ANK2: variants seen among roughly 807,000 people sequenced by gnomAD.
ANK2 encodes ankyrin 2.
In ANK2, 83 loss-of-function variants were observed where a neutral mutation model predicts 360.5. The ratio of observed to expected loss-of-function variants is 0.23; its 90% CI spans 0.19 to 0.28. The LOEUF is 0.28. Among genes scored for constraint, ANK2 ranks in the 10% least tolerant of loss-of-function variants. ANK2 has a pLI of 1.00. For synonymous variants in ANK2, 1,740 were observed against 1,759.5 expected (o/e 0.99, Z 0.28); for missense variants, 4,201 against 4,795.7 (o/e 0.88, Z 3.66).
At chr4:113,142,811 G>A (rs2096682809) in intron 1 of ANK2, among the ~76,000 whole-genome samples, 1 of 152,016 alleles carries the variant, frequency 6.6e-6, no homozygotes, top group African/African-American at 2.4e-5. Context: ...ATGTTACTTG[G>A]TTGGTTCATA....
intron 4 of ANK2, among the ~76,000 whole-genome samples, chr4:113,205,436 TCTTA>T (rs1433355693): frequency 2.6e-5 from 4 of 152,138 alleles, no homozygotes; most frequent in Non-Finnish European, 5.9e-5. Context: ...AATAAGATGT[TCTTA>T]CTTGGCATTT....
At chr4:113,221,712 G>A (rs2099154366) in intron 4 of ANK2, among the ~76,000 whole-genome samples, 1 of 151,844 alleles carries the variant, frequency 6.6e-6, no homozygotes, top group African/African-American at 2.4e-5. Flanking sequence ...AAATGACAAT[G>A]TAGATAAGTA....
chr4:112,977,546 A>T (rs2041834381), intron 2 of ANK2, among the ~76,000 whole-genome samples: 4 of 151,908 alleles, frequency 2.6e-5, no homozygotes, highest in Admixed American at 2.6e-4. Context: ...ATAAATTAAA[A>T]AAAATTTTAT....
At chr4:112,881,243 GC>G (rs1164290576) in intron 1 of ANK2, among the ~76,000 whole-genome samples, 2 of 152,158 alleles carry the variant, frequency 1.3e-5, no homozygotes. Flanking sequence ...TTGGAGACCA[GC>G]CTGGGCAACA....
intron 2 of ANK2, among the ~76,000 whole-genome samples, chr4:113,023,690 T>G (rs558233861): frequency 2.1e-4 from 32 of 152,334 alleles, no homozygotes; most frequent in African/African-American, 7.5e-4. Context: ...TTTTCTGTCT[T>G]CATGTTCATG....
the ANK2 span, among the ~76,000 whole-genome samples, chr4:112,720,131 G>A: frequency 4.1e-4 from 63 of 152,094 alleles, 1 homozygote; most frequent in Admixed American, 4.1e-3. Flanking sequence ...GTCAACCAGG[G>A]TTCTACTTTC....
intron 2 of ANK2, among the ~76,000 whole-genome samples, chr4:112,978,373 G>A (rs2042092443): frequency 6.6e-6 from 1 of 152,030 alleles, no homozygotes; most frequent in Admixed American, 6.5e-5. Context: ...CTTCCTATAA[G>A]TGTACAGTGG....
At chr4:112,957,020 T>TTTTTG (rs2095367008) in intron 2 of ANK2, among the ~76,000 whole-genome samples, 1 of 146,140 alleles carries the variant, frequency 6.8e-6, no homozygotes, top group African/African-American at 2.5e-5. Context: ...TTTTTTTTTT[T>TTTTTG]TTTTTTTTTT....
chr4:113,087,199 C>G (rs1302393499), intron 1 of ANK2, among the ~76,000 whole-genome samples: 1 of 151,966 alleles, frequency 6.6e-6, no homozygotes, highest in Non-Finnish European at 1.5e-5. Flanking sequence ...TACAAGGTTT[C>G]CAGGAAAAGA....
At chr4:113,207,037 C>A (rs565285342) in intron 4 of ANK2, among the ~76,000 whole-genome samples, 5 of 152,056 alleles carry the variant, frequency 3.3e-5, no homozygotes, top group Admixed American at 6.5e-5. Context: ...AAAAAATTGC[C>A]AAGAAAGACA....
intron 2 of ANK2, among the ~76,000 whole-genome samples, chr4:112,973,006 T>G (rs1466039194): frequency 6.6e-6 from 1 of 152,178 alleles, no homozygotes; most frequent in South Asian, 2.1e-4. Context: ...TAATGGGCTT[T>G]AGGGGCTTGA....
Position 113,132,475 on chromosome 4 carries a change from T to TA in ANK2, c.85-41941_85-41940insA, listed in dbSNP as rs796438873. On this transcript the variant is annotated intron_variant, in intron 1 of 45. Transcript: ENST00000357077. Reference sequence around the variant, plus strand: ...ATAAGTATGTGAAATTGATAGGAAATTTTTTAGATTAAAAAGTACTGAAAT... The same window carrying TA: ...ATAAGTATGTGAAATTGATAGGAAATATTTTTAGATTAAAAAGTACTGAAAT... Among the ~76,000 whole-genome samples the TA allele has an allele frequency of 8.5e-5, 13 of 152,230 alleles. No homozygotes were observed. The South Asian group carries it at 2.7e-3, about 32-fold the overall frequency.
chr4:112,806,973 G>A, the ANK2 span, among the ~76,000 whole-genome samples: 1 of 152,168 alleles, frequency 6.6e-6, no homozygotes, highest in African/African-American at 2.4e-5. Context: ...AGTGTGCTGG[G>A]AACACAAAAT....
chr4:113,366,929 T>A (rs1197352100), intron 41 of ANK2, among the ~76,000 whole-genome samples: 1 of 152,192 alleles, frequency 6.6e-6, no homozygotes, highest in East Asian at 1.9e-4. Flanking sequence ...AATATATATC[T>A]GTTGAATAAA....
intron 1 of ANK2, among the ~76,000 whole-genome samples, chr4:113,096,886 C>T (rs961133474): frequency 6.6e-6 from 1 of 151,822 alleles, no homozygotes; most frequent in Non-Finnish European, 1.5e-5. Context: ...CACAATTTGT[C>T]TAAGTCTGGG....
At chr4:112,961,328 A>AT (rs796842977) in intron 2 of ANK2, among the ~76,000 whole-genome samples, 51 of 151,904 alleles carry the variant, frequency 3.4e-4, no homozygotes, top group East Asian at 1.2e-3. Context: ...AATATAAGGT[A>AT]TTTTTTTTAG....
At chr4:112,714,319 A>G in the ANK2 span, among the ~76,000 whole-genome samples, 1 of 152,044 alleles carries the variant, frequency 6.6e-6, no homozygotes, top group Non-Finnish European at 1.5e-5. Flanking sequence ...AGTAGCTGGG[A>G]CCAGAGGCAC....
intron 1 of ANK2, among the ~76,000 whole-genome samples, chr4:112,896,034 C>T (rs1435191324): frequency 1.3e-5 from 2 of 152,236 alleles, no homozygotes; most frequent in African/African-American, 2.4e-5. Context: ...CTCATTCTCT[C>T]ACCACCCGCC....
Position 113,355,688 on chromosome 4 carries a change from G to T in ANK2, c.7070G>T (p.Gly2357Val), listed in dbSNP as rs778618824. 1 of 1,614,130 alleles carries T rather than the reference G, an allele frequency of 6.2e-7. No homozygotes were observed. The highest frequency in any genetic ancestry group is 8.5e-7 in the Non-Finnish European group (1 of 1,179,978). Residue 2357 changes from glycine to valine, a missense_variant, in exon 38 of 46, where the codon GGT (glycine) becomes GTT (valine). Around this residue, in one of 4 missense-constraint regions of ANK2, gnomAD observed 2,642 missense variants for 2,714.5 expected, o/e 0.97. Coordinates refer to ENST00000357077, the MANE Select transcript of ANK2 (RefSeq NM_001148.6). ...TGTGATGAAGGTCAACGTACCTTTG[G>T]TAGTTCAGCCCACAAGACACAAACT... ...AACDEGQRTF[G>V]SSAHKTQTDS...
Sources: allele counts gnomAD v4.1 joint callset (sites outside exome capture counted in the v4.1 genomes callset), GRCh38; gene constraint gnomAD v4.1.1; regional missense constraint gnomAD v4.1.1; transcripts MANE v1.5; gene names NCBI Gene and HGNC (gene_info 2026-07-23, HGNC 2026-07-21).